Variants in ZNF483 observed in about 807,000 individuals in gnomAD.
ZNF483 encodes zinc finger protein 483.
ZNF483 carries 9 observed loss-of-function variants against 28.6 expected under a neutral mutation model. The ratio of observed to expected loss-of-function variants is 0.32; its 90% confidence interval spans 0.19 to 0.55. The LOEUF (loss-of-function observed/expected upper bound fraction) is 0.55. ZNF483 is among the 20% of genes least tolerant of loss of function. The pLI, the probability that ZNF483 is intolerant of heterozygous loss-of-function variation, is 0.93. For missense variants in ZNF483, 675 were observed against 871.7 expected (o/e 0.77, Z 2.84); for synonymous variants, 322 against 306.2 (o/e 1.05, Z -0.54).
intron 5 of ZNF483, chr9:111,563,558 T>C (rs537132265): frequency 1.2e-3 from 214 of 171,648 alleles, no homozygotes; most frequent in Non-Finnish European, 2.1e-3. Context: ...CAGGCTGGAG[T>C]GCAGTGCCGC....
At chr9:111,538,402 A>T (rs953091994) in intron 5 of ZNF483, among the ~76,000 whole-genome samples, 3 of 150,922 alleles carry the variant, frequency 2.0e-5, no homozygotes, top group Admixed American at 1.3e-4. Flanking sequence ...TGGTGAGAGG[A>T]TTGCTTGAGC....
chr9:111,527,851 A>G (rs374361713), intron 2 of ZNF483, 44 bp downstream of exon 2: 73 of 1,614,100 alleles, frequency 4.5e-5, no homozygotes, highest in Admixed American at 2.5e-4. Flanking sequence ...ACATTGCCTC[A>G]AAGTCCGAAA....
At chr9:111,558,147 G>A (rs1023481570), downstream of ZNF483, among the ~76,000 whole-genome samples, 14 of 151,766 alleles carry the variant, frequency 9.2e-5, no homozygotes, top group Admixed American at 5.2e-4. Flanking sequence ...ACTCTGTCTC[G>A]GAAAAAAAAA....
At chr9:111,531,223 C>G (rs556368170) in intron 3 of ZNF483, among the ~76,000 whole-genome samples, 14 of 152,056 alleles carry the variant, frequency 9.2e-5, no homozygotes, top group African/African-American at 3.4e-4. Context: ...AATGTAATCT[C>G]CCTTTCAAGG....
intron 5 of ZNF483, among the ~76,000 whole-genome samples, chr9:111,573,665 A>G (rs1264683251): frequency 6.6e-6 from 1 of 152,192 alleles, no homozygotes; most frequent in Non-Finnish European, 1.5e-5. Flanking sequence ...TGAGGAGCTT[A>G]GAAGACTGGT....
chr9:111,549,897 A>AT lies in ZNF483; in HGVS notation c.*6733dup. 1.3e-6 allele frequency: 1 copy of AT among 743,914 alleles called. No homozygotes were observed. Among genetic ancestry groups the AT allele is most frequent in the Middle Eastern group, 2.4e-4 (1 of 4,106 alleles). 46.1% of individuals were successfully genotyped at this position (743,914 alleles called of 1,614,324 possible). On this transcript the variant is annotated 3_prime_UTR_variant, in exon 6 of 6. Transcript: ENST00000309235. Reference sequence around the variant, plus strand: ...TCAATGTTTGGTCTTCCTCATGTCCATTTTTTGTTGGTTTATTTTGTGCCT... The same window carrying AT: ...TCAATGTTTGGTCTTCCTCATGTCCATTTTTTTGTTGGTTTATTTTGTGCCT...
chr9:111,565,316 C>T lies in ZNF483; in HGVS notation c.722-11049C>T, dbSNP rs1214201113. On this transcript the variant is annotated intron_variant, in intron 5 of 5. Transcript: ENST00000358151. ...GAAACAACCCTGCTGACACCTTGAT[C>T]TTAGACTTCTAGCCTCCAGAACTGT... is the stretch of plus-strand genomic sequence containing the variant. Among the ~76,000 whole-genome samples the T allele has an allele frequency of 2.6e-5, 4 of 152,162 alleles. No individual in the cohort carries two copies. In the East Asian group the frequency reaches 7.7e-4, roughly 29 times the overall value.
chr9:111,570,939 G>C (rs913309666), intron 5 of ZNF483, among the ~76,000 whole-genome samples: 1 of 152,182 alleles, frequency 6.6e-6, no homozygotes, highest in African/African-American at 2.4e-5. Context: ...AGATGAGAGA[G>C]AGGAGGAGGA....
chr9:111,527,080 C>T (rs1163641287), intron 1 of ZNF483, among the ~76,000 whole-genome samples, 188 bp from the exon 2 acceptor site: 1 of 151,590 alleles, frequency 6.6e-6, no homozygotes, highest in Non-Finnish European at 1.5e-5. Context: ...CCAGCCTGGG[C>T]ACCAAGAGCG....
intron 2 of ZNF483, 87 bp downstream of exon 2, chr9:111,527,894 A>G (rs1827220041): frequency 6.2e-7 from 1 of 1,604,154 alleles, no homozygotes; most frequent in Non-Finnish European, 8.5e-7. Flanking sequence ...ATTTACTGCT[A>G]AAGAGGAGTC....
exon 6 of ZNF483, chr9:111,576,724 A>AATAATATGTTCAG (rs1829073417): frequency 4.2e-6 from 1 of 240,358 alleles, no homozygotes; most frequent in East Asian, 8.3e-5. Flanking sequence ...CTTGGTGGTG[A>AATAATATGTTCAG]CCTTATAGAA....
intron 5 of ZNF483, among the ~76,000 whole-genome samples, chr9:111,536,249 G>C (rs1827498033): frequency 6.6e-6 from 1 of 151,816 alleles, no homozygotes; most frequent in East Asian, 1.9e-4. Context: ...GCCAAGCGTG[G>C]TGGCTCACAC....
Position 111,570,044 on chromosome 9 carries a change from G to A in ZNF483, c.722-6321G>A, listed in dbSNP as rs1171090918. The A allele has an allele frequency of 2.5e-6, 4 of 1,610,656 alleles. No homozygotes were observed. The African/African-American group carries it at 5.3e-5, about 22-fold the overall frequency. The stretch of plus-strand genomic sequence containing the variant: ...ACAAAAGCCTTGAGAGGCAAAGGGA[G>A]TGTGACCTAGTGTACAATTGGAAGG... On this transcript the variant is annotated intron_variant, in intron 5 of 5. Coordinates refer to the ZNF483 transcript ENST00000358151.
chr9:111,536,901 C>T (rs529983967), intron 5 of ZNF483, among the ~76,000 whole-genome samples: 55 of 152,224 alleles, frequency 3.6e-4, no homozygotes, highest in African/African-American at 1.2e-3. Context: ...ATAACATTTA[C>T]GGTACTGTAC....
intron 1 of ZNF483, among the ~76,000 whole-genome samples, chr9:111,525,798 G>C (rs1827172893): frequency 6.6e-6 from 1 of 152,162 alleles, no homozygotes; most frequent in South Asian, 2.1e-4. Flanking sequence ...CGCCAGGTAC[G>C]TGGTGGGCGC....
chr9:111,576,410 A>T lies in ZNF483; in HGVS notation c.767A>T (p.Glu256Val), dbSNP rs759364062. The T allele has an allele frequency of 2.5e-6, 4 of 1,614,054 alleles. No individual in the cohort carries two copies. The African/African-American group carries it at 5.3e-5, about 22-fold the overall frequency. ...AAGATGCAGATGTTCTCTGAGGCTG[A>T]ATAAGACCATGCTCTGCCTTCTTGT... The change falls in exon 6 of 6, where the codon GAA (glutamate) becomes GTA (valine). Residue 256 changes from glutamate (E) to valine (V), a missense_variant. Coordinates refer to the ZNF483 transcript ENST00000358151.
downstream of ZNF483, among the ~76,000 whole-genome samples, chr9:111,555,654 C>A (rs12339139): frequency 6.6e-6 from 1 of 151,858 alleles, no homozygotes; most frequent in East Asian, 1.9e-4. Context: ...CACATCTTCA[C>A]ATGGCAGCAG....
chr9:111,577,535 G>A, exon 6 of ZNF483: 1 of 152,118 alleles, frequency 6.6e-6, no homozygotes, highest in Non-Finnish European at 1.5e-5. Context: ...ATACTTCATA[G>A]CCAGAAAGTA....
chr9:111,532,565 C>G (rs895371377), intron 3 of ZNF483, among the ~76,000 whole-genome samples: 3 of 152,152 alleles, frequency 2.0e-5, no homozygotes, highest in African/African-American at 7.2e-5. Context: ...GAAGGGAGCA[C>G]AGCCCTGCCA....
Sources: gnomAD v4.1 joint callset for allele counts (sites outside exome capture counted in the v4.1 genomes callset) on GRCh38, gnomAD v4.1.1 for gene constraint, MANE v1.5 for transcripts, NCBI Gene and HGNC (gene_info 2026-07-23, HGNC 2026-07-21) for gene names.